Variants in BLTP1 observed in about 807,000 individuals in gnomAD.
BLTP1 encodes bridge-like lipid transfer protein family member 1.
chr4:122,320,038 G>T, the BLTP1 span, among the ~76,000 whole-genome samples: 1 of 152,074 alleles, frequency 6.6e-6, no homozygotes, highest in East Asian at 1.9e-4. Flanking sequence ...TTTTTTGTGT[G>T]CTAGATATGT....
the BLTP1 span, chr4:122,325,533 A>G: frequency 5.1e-6 from 5 of 984,850 alleles, no homozygotes; most frequent in Non-Finnish European, 6.0e-6. Flanking sequence ...TTTACATTTT[A>G]CATGCACAAT....
At chr4:122,310,800 C>T in the BLTP1 span, 1 of 227,196 alleles carries the variant, frequency 4.4e-6, no homozygotes, top group African/African-American at 2.3e-5. Flanking sequence ...GTACTAAACC[C>T]CATCAAATAC....
chr4:122,249,185 C>A, the BLTP1 span: 1 of 598,738 alleles, frequency 1.7e-6, no homozygotes, highest in Non-Finnish European at 2.1e-6. Context: ...GTATTTAAAA[C>A]TACTGTGAAG....
the BLTP1 span, chr4:122,237,630 T>C: frequency 5.2e-6 from 4 of 765,170 alleles, no homozygotes; most frequent in South Asian, 2.4e-4. Flanking sequence ...AAAAATTCAC[T>C]GTTTATGGGC....
At chr4:122,348,484 T>C in the BLTP1 span, 19 of 1,152,634 alleles carry the variant, frequency 1.6e-5, no homozygotes, top group Non-Finnish European at 2.1e-5. Context: ...ACTTTTTGGA[T>C]TATAGCAATA....
the BLTP1 span, chr4:122,243,538 C>T: frequency 5.1e-6 from 3 of 583,230 alleles, no homozygotes; most frequent in Non-Finnish European, 4.3e-6. Context: ...GTCAGGAATT[C>T]GAGACCAGCC....
the BLTP1 span, chr4:122,250,687 T>G: frequency 4.8e-6 from 5 of 1,039,614 alleles, no homozygotes; most frequent in Non-Finnish European, 7.0e-6. Flanking sequence ...TTCCCTATTT[T>G]GGATTTATGA....
the BLTP1 span, among the ~76,000 whole-genome samples, chr4:122,293,494 T>C: frequency 6.6e-6 from 1 of 151,964 alleles, no homozygotes; most frequent in African/African-American, 2.4e-5. Flanking sequence ...AAACCAGGTT[T>C]TTCCCACAGA....
At chr4:122,349,835 A>C in the BLTP1 span, 2 of 1,609,520 alleles carry the variant, frequency 1.2e-6, no homozygotes, top group Admixed American at 3.3e-5. This position sits in a 1 kb window ranked among gnomAD's most constrained non-coding sequence, Gnocchi z 4.5. Flanking sequence ...ACATCTGACA[A>C]AGATTTTGTT....
the BLTP1 span, chr4:122,263,594 C>T: frequency 1.3e-6 from 2 of 1,595,380 alleles, no homozygotes; most frequent in Non-Finnish European, 1.7e-6. Flanking sequence ...CAATAGTCTT[C>T]CCACAGGTAT....
chr4:122,258,068 A>G, the BLTP1 span, among the ~76,000 whole-genome samples: 3 of 152,042 alleles, frequency 2.0e-5, no homozygotes, highest in African/African-American at 4.8e-5. Flanking sequence ...CTCAGCCTAC[A>G]ATTTTGTCAA....
At chr4:122,229,962 T>C in the BLTP1 span, 1 of 1,614,032 alleles carries the variant, frequency 6.2e-7, no homozygotes, top group Non-Finnish European at 8.5e-7. Flanking sequence ...AACTGTAATC[T>C]CCACAATCAA....
the BLTP1 span, chr4:122,343,316 T>G: frequency 1.3e-6 from 2 of 1,496,584 alleles, no homozygotes; most frequent in African/African-American, 2.8e-5. Flanking sequence ...TGTTTCCATT[T>G]TATTCTGAAG....
At chr4:122,220,544 A>G in the BLTP1 span, 2 of 1,265,418 alleles carry the variant, frequency 1.6e-6, no homozygotes, top group Non-Finnish European at 2.2e-6. Context: ...ACAATGTATT[A>G]GCTTCTGTGC....
chr4:122,202,625 A>G, the BLTP1 span: 10 of 573,966 alleles, frequency 1.7e-5, no homozygotes, highest in Non-Finnish European at 2.2e-5. Flanking sequence ...ACCTATCATC[A>G]AGTATTTACT....
chr4:122,325,373 A>G, the BLTP1 span: 1 of 1,539,030 alleles, frequency 6.5e-7, no homozygotes, highest in Non-Finnish European at 8.8e-7. Flanking sequence ...GTTTTTACAA[A>G]TTACAAAATT....
chr4:122,307,903 A>G, the BLTP1 span: 34 of 1,589,646 alleles, frequency 2.1e-5, no homozygotes, highest in Non-Finnish European at 2.8e-5. Context: ...ATAGATTTAC[A>G]GTGTTGATTT....
chr4:122,201,424 A>G, the BLTP1 span, among the ~76,000 whole-genome samples: 1 of 152,140 alleles, frequency 6.6e-6, no homozygotes, highest in African/African-American at 2.4e-5. Flanking sequence ...TGATGAATCA[A>G]TTTCTCTCTC....
chr4:122,191,145 G>A, the BLTP1 span, among the ~76,000 whole-genome samples: 1 of 152,120 alleles, frequency 6.6e-6, no homozygotes, highest in Non-Finnish European at 1.5e-5. Context: ...TTTGATTAAA[G>A]TGTTTTTAAT....
Sources: allele counts gnomAD v4.1 joint callset (sites outside exome capture counted in the v4.1 genomes callset), GRCh38; gene constraint gnomAD v4.1.1; non-coding constraint Gnocchi (gnomAD v3.1); transcripts MANE v1.5; gene names NCBI Gene and HGNC (gene_info 2026-07-23, HGNC 2026-07-21).